The following BOK variants were observed in gnomAD, a reference collection of about 807,000 sequenced individuals.
The protein encoded by BOK is bcl-2-related ovarian killer protein.
Under a neutral mutation model 18.3 loss-of-function variants are expected in BOK, and 20 were observed. That is an observed-to-expected ratio of 1.09 (90% CI 0.77 to 1.59). The LOEUF is 1.59. Ranked by LOEUF, BOK falls within the 40% of genes most tolerant of loss-of-function variation. The pLI is 0.00. For missense variants in BOK, 348 were observed against 307.9 expected (o/e 1.13, Z -0.97); for synonymous variants, 173 against 142.4 (o/e 1.21, Z -1.53).
chr2:241,572,203 T>G, intron 4 of BOK, 94 bp from the exon 5 acceptor site: 10 of 1,537,146 alleles, frequency 6.5e-6, no homozygotes, highest in South Asian at 1.2e-5. Flanking sequence ...GCAATTTTGC[T>G]GATATTCTGG....
intron 1 of BOK, among the ~76,000 whole-genome samples, chr2:241,552,529 C>T (rs1290785563): frequency 1.3e-5 from 2 of 152,170 alleles, no homozygotes; most frequent in Admixed American, 6.5e-5. Flanking sequence ...AGAATGAGGC[C>T]GGAGTGGTAG....
At chr2:241,563,371 C>G (rs2066561545) in intron 3 of BOK, among the ~76,000 whole-genome samples, 1 of 152,220 alleles carries the variant, frequency 6.6e-6, no homozygotes. Context: ...CCTGTCCTGG[C>G]ACCCCGTGCT....
At chr2:241,553,599 G>A (rs931068580) in intron 1 of BOK, among the ~76,000 whole-genome samples, 5 of 152,198 alleles carry the variant, frequency 3.3e-5, no homozygotes, top group African/African-American at 4.8e-5. Flanking sequence ...GCGGAAGGAG[G>A]AAGAGAGTGA....
intron 3 of BOK, among the ~76,000 whole-genome samples, chr2:241,565,546 G>A (rs552090645): frequency 9.5e-5 from 14 of 147,274 alleles, no homozygotes; most frequent in East Asian, 2.0e-4. Flanking sequence ...CCCCTCCCAC[G>A]CCAGCCATCC....
At chr2:241,554,003 C>A (rs965177228), upstream of BOK, among the ~76,000 whole-genome samples, 1 of 152,206 alleles carries the variant, frequency 6.6e-6, no homozygotes, top group Non-Finnish European at 1.5e-5. Flanking sequence ...GATGACAGAT[C>A]TACTCACAGC....
intron 3 of BOK, among the ~76,000 whole-genome samples, chr2:241,566,545 C>T (rs565835245): frequency 6.6e-6 from 1 of 152,180 alleles, no homozygotes; most frequent in Admixed American, 6.5e-5. Flanking sequence ...GAACTCCTGA[C>T]CTCAGGTGAT....
rs2066538321 is a variant in BOK, at chr2:241,562,329, T to C, written c.221-19T>C. On this transcript the variant is annotated intron_variant, in intron 2 of 4. Coordinates refer to ENST00000318407, the MANE Select transcript of BOK (RefSeq NM_032515.5). This position sits in a 1 kb window ranked among gnomAD's most constrained non-coding sequence, Gnocchi z 4.5. Reference sequence around the variant, plus strand: ...GCTGGGACGTGGGCTGCCTCTCACCTGCTCTTGTGACCACACAGGCGATGA... The same window carrying C: ...GCTGGGACGTGGGCTGCCTCTCACCCGCTCTTGTGACCACACAGGCGATGA... 2 of 1,582,068 alleles carry C rather than the reference T, an allele frequency of 1.3e-6. No individual in the cohort carries two copies. Among genetic ancestry groups the C allele is most frequent in the Admixed American group, 1.7e-5 (1 of 57,710 alleles).
Position 241,572,583 on chromosome 2 carries a change from G to A in BOK, c.*161G>A. 1.8e-6 allele frequency: 2 copies of A among 1,129,552 alleles called. No individual in the cohort carries two copies. Among genetic ancestry groups the A allele is most frequent in the African/African-American group, 1.6e-5 (1 of 63,980 alleles). 70.0% of individuals were successfully genotyped at this position (1,129,552 alleles called of 1,614,324 possible). ...CTCCGCAGACCCAGGCCCTCCGGAA[G>A]GGGTGAGTGGGGAGGGGCTTTCCTG... On this transcript the variant is annotated 3_prime_UTR_variant, in exon 5 of 5. Coordinates refer to ENST00000318407, the MANE Select transcript of BOK (RefSeq NM_032515.5).
chr2:241,561,203 T>C (rs1221624632), intron 2 of BOK, among the ~76,000 whole-genome samples: 2 of 152,238 alleles, frequency 1.3e-5, no homozygotes, highest in Non-Finnish European at 2.9e-5. Flanking sequence ...GCTGGAGAAC[T>C]GGCCGGGCTG....
rs541327852 is a variant in BOK, at chr2:241,568,842, T to C, written c.350-1283T>C. ...CTGTGAATGTCTGTGACTGAGTGTTTGTTTGAGCTGATTTATGTTTTCATA... is the reference window on the plus strand; with the variant it reads ...CTGTGAATGTCTGTGACTGAGTGTTCGTTTGAGCTGATTTATGTTTTCATA... On this transcript the variant is annotated intron_variant, in intron 3 of 4. Transcript: ENST00000318407. Among the ~76,000 whole-genome samples, 3 of 152,292 alleles carry C rather than the reference T, an allele frequency of 2.0e-5. No individual in the cohort carries two copies. The East Asian group carries it at 5.8e-4, about 29-fold the overall frequency.
intron 3 of BOK, among the ~76,000 whole-genome samples, chr2:241,567,358 C>T (rs1255209787): frequency 7.5e-6 from 1 of 133,676 alleles, no homozygotes; most frequent in Non-Finnish European, 1.6e-5. Context: ...AACTCCTGAC[C>T]TCAGGTGATC....
intron 1 of BOK, 134 bp downstream of exon 1, chr2:241,559,127 T>C (rs2066483216): frequency 5.8e-6 from 1 of 171,894 alleles, no homozygotes. Context: ...GGCCGGGTCC[T>C]GGCAGTCGCC....
chr2:241,570,009 C>T, intron 3 of BOK, 116 bp from the exon 4 acceptor site: 1 of 1,323,334 alleles, frequency 7.6e-7, no homozygotes, highest in Non-Finnish European at 1.0e-6. Context: ...TGGGACGGTC[C>T]CTGGTCATTA....
intron 1 of BOK, among the ~76,000 whole-genome samples, chr2:241,551,776 C>T (rs139255363): frequency 6.6e-6 from 1 of 152,328 alleles, no homozygotes; most frequent in Non-Finnish European, 1.5e-5. Context: ...AGTGAAAACA[C>T]AGGAATCTCA....
chr2:241,557,115 C>T (rs764250187), upstream of BOK, among the ~76,000 whole-genome samples: 2 of 152,034 alleles, frequency 1.3e-5, no homozygotes, highest in Admixed American at 6.6e-5. Context: ...CTTACTCAAT[C>T]TTTCTGGGGA....
intron 3 of BOK, among the ~76,000 whole-genome samples, chr2:241,569,508 C>T (rs1559205229): frequency 6.6e-6 from 1 of 152,190 alleles, no homozygotes; most frequent in Non-Finnish European, 1.5e-5. Context: ...AAACATTTTT[C>T]GTGTCTCTTA....
intron 3 of BOK, among the ~76,000 whole-genome samples, chr2:241,568,531 C>T (rs921701360): frequency 6.6e-6 from 1 of 152,164 alleles, no homozygotes; most frequent in Admixed American, 6.5e-5. Context: ...GATTGCCCTG[C>T]CTCAGCCTCC....
intron 2 of BOK, 94 bp downstream of exon 2, chr2:241,559,797 C>T: frequency 8.2e-7 from 1 of 1,226,270 alleles, no homozygotes; most frequent in South Asian, 3.0e-5. Flanking sequence ...GGCCCAGGGG[C>T]GCCCACCCCC....
At chr2:241,561,860 C>A (rs1466426563) in intron 2 of BOK, among the ~76,000 whole-genome samples, 1 of 152,238 alleles carries the variant, frequency 6.6e-6, no homozygotes, top group African/African-American at 2.4e-5. Context: ...TCGGGCTGTC[C>A]CCTGCTCTCA....
Sources: allele counts gnomAD v4.1 joint callset (sites outside exome capture counted in the v4.1 genomes callset), GRCh38; gene constraint gnomAD v4.1.1; non-coding constraint Gnocchi (gnomAD v3.1); transcripts MANE v1.5; gene names NCBI Gene and HGNC (gene_info 2026-07-23, HGNC 2026-07-21).